The following PLEKHS1 variants were observed in gnomAD, a reference collection of about 807,000 sequenced individuals.
PLEKHS1 encodes the protein pleckstrin homology domain containing S1.
A neutral mutation model predicts 51.0 loss-of-function variants in PLEKHS1; 55 were observed. The ratio of observed to expected loss-of-function variants is 1.08; its 90% confidence interval spans 0.87 to 1.35. The LOEUF is 1.35. PLEKHS1 is among the 40% of genes most tolerant of loss of function. The pLI is 0.00. For synonymous variants in PLEKHS1, 153 were observed against 144.8 expected (o/e 1.06, Z -0.41); for missense variants, 398 against 423.0 (o/e 0.94, Z 0.52).
chr10:113,761,270 T>C, intron 2 of PLEKHS1, among the ~76,000 whole-genome samples: 1 of 152,174 alleles, frequency 6.6e-6, no homozygotes, highest in East Asian at 1.9e-4. Flanking sequence ...GGCCCCTTGG[T>C]ATTTTTGATG....
At chr10:113,767,259 T>G (rs767283570) in intron 4 of PLEKHS1, 86 bp from the exon 5 acceptor site, 27 of 1,045,842 alleles carry the variant, frequency 2.6e-5, no homozygotes, top group Non-Finnish European at 3.1e-5. Context: ...ATCTAAAGTT[T>G]TATTCCATTT....
At chr10:113,780,835 C>A in exon 12 of PLEKHS1, 1 of 1,459,702 alleles carries the variant, frequency 6.9e-7, no homozygotes, top group Middle Eastern at 2.3e-4. Flanking sequence ...CTGTCCAGCT[C>A]TGCCCCCTGC....
exon 4 of PLEKHS1, chr10:113,766,675 T>C: frequency 6.2e-7 from 1 of 1,612,668 alleles, no homozygotes; most frequent in Non-Finnish European, 8.5e-7. Context: ...TAGTCTTTCC[T>C]ATTATAAAGA....
intron 2 of PLEKHS1, among the ~76,000 whole-genome samples, chr10:113,757,139 G>A (rs7897616): frequency 0.023 from 3,438 of 152,062 alleles, 124 homozygotes; most frequent in African/African-American, 0.08. Context: ...GGTCTTGAAC[G>A]CCTGACCTCG....
Position 113,775,876 on chromosome 10 carries a change from A to C in PLEKHS1, c.1091+10A>C. ...CCACAGGACGGATATGGTAGGTTGG[A>C]GATTTGACTGTTGTGGATTATAAAT... On this transcript the variant is annotated intron_variant, in intron 11 of 11. Transcript: ENST00000361048. The C allele has an allele frequency of 6.3e-7, 1 of 1,576,174 alleles. No individual in the cohort carries two copies. Among genetic ancestry groups the C allele is most frequent in the South Asian group, 1.1e-5 (1 of 87,884 alleles).
At chr10:113,772,395 T>C (rs534755193) in intron 8 of PLEKHS1, among the ~76,000 whole-genome samples, 1 of 152,160 alleles carries the variant, frequency 6.6e-6, no homozygotes, top group Non-Finnish European at 1.5e-5. Flanking sequence ...CCATACATGA[T>C]GAGTAAAATT....
At chr10:113,754,990 A>G (rs1854037753) in intron 1 of PLEKHS1, among the ~76,000 whole-genome samples, 1 of 152,226 alleles carries the variant, frequency 6.6e-6, no homozygotes, top group South Asian at 2.1e-4. Context: ...TCCCAGGAAG[A>G]CAAGCTCCTT....
intron 1 of PLEKHS1, among the ~76,000 whole-genome samples, chr10:113,753,151 T>G (rs1853924982): frequency 6.6e-6 from 1 of 152,094 alleles, no homozygotes; most frequent in Non-Finnish European, 1.5e-5. Context: ...CCACAGCTAA[T>G]CTCTCCTGCA....
chr10:113,766,706 T>C (rs780889365), exon 4 of PLEKHS1: 30 of 1,608,708 alleles, frequency 1.9e-5, no homozygotes, highest in African/African-American at 6.7e-5. Context: ...CGAGGTTCCA[T>C]TGAAATTGAT....
intron 11 of PLEKHS1, among the ~76,000 whole-genome samples, chr10:113,776,854 A>G (rs1454914434): frequency 6.6e-6 from 1 of 152,234 alleles, no homozygotes; most frequent in African/African-American, 2.4e-5. Context: ...ACAATGTAAT[A>G]GAAGTCCAGG....
At chr10:113,775,670 A>G in intron 10 of PLEKHS1, 95 bp from the exon 11 acceptor site, 1 of 703,814 alleles carries the variant, frequency 1.4e-6, no homozygotes, top group Non-Finnish European at 2.4e-6. Flanking sequence ...GGACAATGTC[A>G]TCTCAGAAAT....
intron 2 of PLEKHS1, among the ~76,000 whole-genome samples, chr10:113,759,879 A>G (rs1052516817): frequency 1.3e-5 from 2 of 152,184 alleles, no homozygotes; most frequent in Non-Finnish European, 2.9e-5. Flanking sequence ...GGTATAATTG[A>G]CATACAGTAG....
chr10:113,781,057 T>C (rs984582671), exon 12 of PLEKHS1: 2 of 448,392 alleles, frequency 4.5e-6, no homozygotes, highest in Non-Finnish European at 4.1e-6. Context: ...CAGTCCTTCA[T>C]GTAATACATG....
chr10:113,754,646 C>T (rs11196474), intron 1 of PLEKHS1, among the ~76,000 whole-genome samples: 6 of 152,162 alleles, frequency 3.9e-5, no homozygotes, highest in East Asian at 1.9e-4. Context: ...CCACCACACC[C>T]GGCTAATTTT....
chr10:113,760,429 G>A (rs1843868966), intron 2 of PLEKHS1, among the ~76,000 whole-genome samples: 1 of 152,074 alleles, frequency 6.6e-6, no homozygotes, highest in South Asian at 2.1e-4. Flanking sequence ...CAAGGCAGTA[G>A]TATTGCTTGA....
intron 11 of PLEKHS1, 144 bp from the exon 13 acceptor site, chr10:113,780,458 G>C (rs993407680): frequency 8.9e-5 from 68 of 763,078 alleles, no homozygotes; most frequent in Non-Finnish European, 1.3e-4. Context: ...AGTCATCCCT[G>C]TCTATTTCTG....
At chr10:113,776,728 CA>C (rs1466031468) in intron 11 of PLEKHS1, among the ~76,000 whole-genome samples, 1 of 152,038 alleles carries the variant, frequency 6.6e-6, no homozygotes, top group African/African-American at 2.4e-5. Context: ...ACAAAACAAA[CA>C]AAAAGGTGAC....
Position 113,772,162 on chromosome 10 carries a change from G to A in PLEKHS1, c.672+73G>A, listed in dbSNP as rs528386785. On this transcript the variant is annotated intron_variant, in intron 8 of 11. Coordinates refer to ENST00000361048, the Ensembl canonical transcript of PLEKHS1. ...ACTGAAACCCTGCCATGCACTTTTC[G>A]TGCAATATTAGGCTATGGTCAGTGG... 1,120 of 1,540,932 alleles carry A rather than the reference G, an allele frequency of 7.3e-4. 3 individuals carry two copies. Among genetic ancestry groups the A allele is most frequent in the Non-Finnish European group, 8.3e-4 (934 of 1,123,678 alleles).
At chr10:113,760,878 T>C (rs949839402) in intron 2 of PLEKHS1, among the ~76,000 whole-genome samples, 1 of 152,198 alleles carries the variant, frequency 6.6e-6, no homozygotes, top group East Asian at 1.9e-4. Flanking sequence ...TAAGAATACA[T>C]TGTCAAATCC....
Sources: allele counts gnomAD v4.1 joint callset (sites outside exome capture counted in the v4.1 genomes callset), GRCh38; gene constraint gnomAD v4.1.1; transcripts MANE v1.5; gene names NCBI Gene and HGNC (gene_info 2026-07-23, HGNC 2026-07-21).